Variants in CACNA1C observed in about 807,000 individuals in gnomAD.
CACNA1C encodes the protein calcium voltage-gated channel subunit alpha1 C, also known as voltage-dependent L-type calcium channel subunit alpha-1C.
CACNA1C carries 30 observed loss-of-function variants against 229.0 expected under a neutral mutation model. The ratio of observed to expected loss-of-function variants is 0.13; its 90% CI spans 0.10 to 0.18. The LOEUF (loss-of-function observed/expected upper bound fraction) is 0.18, where lower values mean the gene tolerates loss of function less well. Among genes scored for constraint, CACNA1C ranks in the 10% least tolerant of loss-of-function variants. The probability of loss-of-function intolerance (pLI) is 1.00; values close to 1 mark genes in which losing one functional copy is unlikely to be tolerated. For missense variants in CACNA1C, 1,658 were observed against 2,845.0 expected (o/e 0.58, Z 9.49); for synonymous variants, 1,114 against 1,132.5 (o/e 0.98, Z 0.33).
chr12:2,348,374 G>A lies in CACNA1C; in HGVS notation c.478-100602G>A, dbSNP rs762973832. On this transcript the variant is annotated intron_variant, in intron 3 of 46. Coordinates refer to ENST00000399655, the MANE Select transcript of CACNA1C (RefSeq NM_000719.7). This position sits in a 1 kb window ranked among gnomAD's most constrained non-coding sequence, Gnocchi z 4.7. ...GACTTCCCAAGAGCTCCCGGCCCAC[G>A]ACTGAGTCACGCGGCTTCTTAGCAA... is the stretch of plus-strand genomic sequence containing the variant. Among the ~76,000 whole-genome samples the A allele has an allele frequency of 7.9e-5, 12 of 152,212 alleles. No homozygotes were observed. Among genetic ancestry groups the A allele is most frequent in the Admixed American group, 1.3e-4 (2 of 15,290 alleles).
chr12:2,520,964 G>C (rs2099808594), intron 9 of CACNA1C, among the ~76,000 whole-genome samples: 1 of 152,210 alleles, frequency 6.6e-6, no homozygotes, highest in Non-Finnish European at 1.5e-5. Flanking sequence ...TCAGCATAAA[G>C]GTGCCTGGCA....
Position 2,502,862 on chromosome 12 carries a change from C to T in CACNA1C, c.1114-1980C>T, listed in dbSNP as rs74730121. On this transcript the variant is annotated intron_variant, in intron 7 of 46. Coordinates refer to ENST00000399655, the MANE Select transcript of CACNA1C (RefSeq NM_000719.7). Reference sequence around the variant, plus strand: ...TCCTTTGAGGCCCCTGGGTGGAAATCGTGGGGTGGTTATCAAACTTGAGCA... The same window carrying T: ...TCCTTTGAGGCCCCTGGGTGGAAATTGTGGGGTGGTTATCAAACTTGAGCA... Among the ~76,000 whole-genome samples the T allele has an allele frequency of 4.1e-3, 624 of 152,254 alleles. 4 individuals are homozygous for T. Among genetic ancestry groups the T allele is most frequent in the Non-Finnish European group, 4.5e-3 (305 of 68,012 alleles).
At chr12:2,249,360 G>A (rs992252189) in intron 3 of CACNA1C, among the ~76,000 whole-genome samples, 1 of 152,196 alleles carries the variant, frequency 6.6e-6, no homozygotes, top group Non-Finnish European at 1.5e-5. Context: ...ATCCATTTAT[G>A]TCTTGTCTGT....
chr12:2,001,087 T>G (rs1266846884), intron 1 of CACNA1C, among the ~76,000 whole-genome samples: 1 of 152,134 alleles, frequency 6.6e-6, no homozygotes, highest in Non-Finnish European at 1.5e-5. Flanking sequence ...TCAGATCTTT[T>G]GATGAAAAAA....
At chr12:2,670,683 A>G (rs180678665) in intron 38 of CACNA1C, among the ~76,000 whole-genome samples, 114 of 152,040 alleles carry the variant, frequency 7.5e-4, no homozygotes, top group African/African-American at 2.7e-3. Flanking sequence ...ACATGGTGAA[A>G]CCTCGTCTCT....
intron 30 of CACNA1C, among the ~76,000 whole-genome samples, 200 bp downstream of exon 30, chr12:2,634,580 C>T (rs899320471): frequency 1.4e-4 from 20 of 142,760 alleles, no homozygotes; most frequent in African/African-American, 4.5e-4. Context: ...AACTTTGGAA[C>T]GCATTAGGCC....
At chr12:2,259,344 G>C (rs2079164278) in intron 3 of CACNA1C, among the ~76,000 whole-genome samples, 1 of 152,224 alleles carries the variant, frequency 6.6e-6, no homozygotes, top group Non-Finnish European at 1.5e-5. Context: ...TCTGAGAGGG[G>C]CTGCAAGCCA....
rs115287908 is a variant in CACNA1C at position 2,534,131 on chromosome 12, G to A, written c.1391-15812G>A. On this transcript the variant is annotated intron_variant, in intron 9 of 46. Coordinates refer to ENST00000399655, the MANE Select transcript of CACNA1C (RefSeq NM_000719.7). ...GTGGGGATGGAATTCCAAGAGTGGG[G>A]CAGCAGGGCAAAGACCCAGACACAG... Among the ~76,000 whole-genome samples the A allele has an allele frequency of 8.4e-3, 1,283 of 152,266 alleles. 23 individuals are homozygous for A. Among genetic ancestry groups the A allele is most frequent in the African/African-American group, 0.029 (1,201 of 41,536 alleles).
intron 3 of CACNA1C, among the ~76,000 whole-genome samples, chr12:2,388,204 A>T (rs1349532459): frequency 6.6e-6 from 1 of 152,202 alleles, no homozygotes; most frequent in Non-Finnish European, 1.5e-5. Flanking sequence ...AGTTCTAGAA[A>T]ACAAATGTGC....
At chr12:2,511,860 A>G (rs2099784807) in intron 8 of CACNA1C, among the ~76,000 whole-genome samples, 1 of 152,122 alleles carries the variant, frequency 6.6e-6, no homozygotes, top group Admixed American at 6.5e-5. Flanking sequence ...CTTCCAGCAA[A>G]TCCCACCCCA....
intron 11 of CACNA1C, among the ~76,000 whole-genome samples, chr12:2,561,505 A>G (rs758855024): frequency 2.0e-5 from 3 of 152,252 alleles, no homozygotes; most frequent in African/African-American, 4.8e-5. Context: ...TAATGCAGAC[A>G]GTAAGCGCTG....
intron 3 of CACNA1C, among the ~76,000 whole-genome samples, chr12:2,271,122 G>C (rs955107947): frequency 5.9e-5 from 9 of 152,118 alleles, no homozygotes; most frequent in African/African-American, 2.2e-4. Context: ...GCCAGTATTG[G>C]GTAGCCACCT....
At chr12:2,216,293 T>G (rs538789686) in intron 3 of CACNA1C, among the ~76,000 whole-genome samples, 14 of 152,184 alleles carry the variant, frequency 9.2e-5, no homozygotes, top group Non-Finnish European at 2.1e-4. Flanking sequence ...TTGAAAGGAC[T>G]AGATTATAAT....
At chr12:2,103,173 A>G (rs2154106774) in intron 1 of CACNA1C, among the ~76,000 whole-genome samples, 1 of 152,336 alleles carries the variant, frequency 6.6e-6, no homozygotes, top group Middle Eastern at 3.4e-3. Context: ...GTCTTCCACA[A>G]TGGTTGAACT....
Position 2,362,201 on chromosome 12 carries a change from T to G in CACNA1C, c.478-86775T>G, listed in dbSNP as rs886207115. Among the ~76,000 whole-genome samples, 5 of 152,100 alleles carry G rather than the reference T, an allele frequency of 3.3e-5. No homozygotes were observed. In the East Asian group the frequency reaches 5.8e-4, roughly 18 times the overall value. On this transcript the variant is annotated intron_variant, in intron 3 of 46. Transcript: ENST00000399655. ...CAGAGGCATACGGTGTAGCCCCAGC[T>G]CTGAGGGGGCGTGAAGGCCACTGGG... is the stretch of plus-strand genomic sequence containing the variant.
At position 2,330,701 on chromosome 12, in the gene CACNA1C, A is replaced by G. The variant is rs139844702; in HGVS notation, c.478-118275A>G. Among the ~76,000 whole-genome samples the G allele has an allele frequency of 1.8e-3, 277 of 152,360 alleles. 2 individuals carry two copies. Among genetic ancestry groups the G allele is most frequent in the Middle Eastern group, 3.4e-3 (1 of 294 alleles). ...TTGGCCAGATGGAGATACAAAAAGCAATTTCTAAAAACAACAATGATAAAT... is the reference window on the plus strand; with the variant it reads ...TTGGCCAGATGGAGATACAAAAAGCGATTTCTAAAAACAACAATGATAAAT... On this transcript the variant is annotated intron_variant, in intron 3 of 46. Coordinates refer to ENST00000399655, the MANE Select transcript of CACNA1C (RefSeq NM_000719.7).
chr12:2,581,893 C>T (rs2060611248), intron 14 of CACNA1C, 96 bp downstream of exon 14: 1 of 735,124 alleles, frequency 1.4e-6, no homozygotes, highest in Non-Finnish European at 2.3e-6. Flanking sequence ...ACCGGGCAGC[C>T]ACAGCCATCC....
intron 1 of CACNA1C, among the ~76,000 whole-genome samples, chr12:2,102,354 G>T (rs2076747661): frequency 6.6e-6 from 1 of 152,126 alleles, no homozygotes; most frequent in Non-Finnish European, 1.5e-5. Flanking sequence ...CTTGTGAGTT[G>T]CTGGGAAAAT....
intron 3 of CACNA1C, among the ~76,000 whole-genome samples, chr12:2,376,565 A>T (rs1448589169): frequency 6.6e-6 from 1 of 152,138 alleles, no homozygotes; most frequent in Non-Finnish European, 1.5e-5. Context: ...AGGTTCTGGG[A>T]GCTGCTGGCG....
Sources: allele counts gnomAD v4.1 joint callset (sites outside exome capture counted in the v4.1 genomes callset), GRCh38; gene constraint gnomAD v4.1.1; non-coding constraint Gnocchi (gnomAD v3.1); transcripts MANE v1.5; gene names NCBI Gene and HGNC (gene_info 2026-07-23, HGNC 2026-07-21).